Variants in ASTN2 observed in about 807,000 individuals in gnomAD.
ASTN2 encodes the protein astrotactin-2.
A neutral mutation model predicts 139.8 loss-of-function variants in ASTN2; 54 were observed. The ratio of observed to expected loss-of-function variants is 0.39; its 90% CI spans 0.31 to 0.48. The LOEUF is 0.48. Among genes scored for constraint, ASTN2 ranks in the 20% least tolerant of loss-of-function variants. ASTN2 has a pLI of 0.95. For missense variants in ASTN2, 1,565 were observed against 1,725.1 expected (o/e 0.91, Z 1.64); for synonymous variants, 756 against 719.5 (o/e 1.05, Z -0.81).
At chr9:116,489,140 G>T (rs990210455) in intron 19 of ASTN2, among the ~76,000 whole-genome samples, 1 of 151,950 alleles carries the variant, frequency 6.6e-6, no homozygotes, top group Non-Finnish European at 1.5e-5. Context: ...CTCTACCTGG[G>T]GTTAAGAACA....
intron 7 of ASTN2, among the ~76,000 whole-genome samples, chr9:116,989,357 AG>A (rs1836778272): frequency 6.6e-6 from 1 of 152,100 alleles, no homozygotes; most frequent in Non-Finnish European, 1.5e-5. Flanking sequence ...TTGAGAAAAA[AG>A]AAGAGAAGCT....
intron 4 of ASTN2, among the ~76,000 whole-genome samples, chr9:117,127,591 G>A (rs1047456355): frequency 1.5e-4 from 22 of 150,654 alleles, no homozygotes; most frequent in African/African-American, 4.9e-4. Context: ...TGCACAGCCA[G>A]CTAAATGGAA....
intron 10 of ASTN2, among the ~76,000 whole-genome samples, chr9:116,893,847 T>C (rs1191485069): frequency 6.6e-6 from 1 of 152,206 alleles, no homozygotes; most frequent in Non-Finnish European, 1.5e-5. Flanking sequence ...TAACTCCTGC[T>C]GATTTAGGGA....
At chr9:117,082,559 T>C (rs1236790133) in intron 5 of ASTN2, among the ~76,000 whole-genome samples, 1 of 152,170 alleles carries the variant, frequency 6.6e-6, no homozygotes, top group East Asian at 1.9e-4. Context: ...AGTAAATGCC[T>C]TCCTGGCCGA....
At chr9:116,493,436 C>T (rs1382437911) in intron 19 of ASTN2, among the ~76,000 whole-genome samples, 6 of 152,148 alleles carry the variant, frequency 3.9e-5, no homozygotes, top group Non-Finnish European at 7.4e-5. Flanking sequence ...GGCTGTAACC[C>T]GAGTGGGCTG....
intron 19 of ASTN2, among the ~76,000 whole-genome samples, chr9:116,537,707 C>T (rs1036143367): frequency 2.0e-5 from 3 of 152,296 alleles, no homozygotes; most frequent in South Asian, 2.1e-4. Flanking sequence ...GAGAACTCCA[C>T]TGACTATCAT....
chr9:116,760,150 T>C (rs1026621535), intron 13 of ASTN2, among the ~76,000 whole-genome samples: 6 of 152,196 alleles, frequency 3.9e-5, no homozygotes, highest in Non-Finnish European at 7.3e-5. Context: ...AGATCTTTCA[T>C]CCTCTCCAGG....
At chr9:116,504,895 C>CAAA (rs386416022) in intron 19 of ASTN2, among the ~76,000 whole-genome samples, 9,812 of 91,378 alleles carry the variant, frequency 0.11, 677 homozygotes, top group African/African-American at 0.15. Flanking sequence ...AATCCTGTCT[C>CAAA]AAAAAAAAAA....
intron 2 of ASTN2, among the ~76,000 whole-genome samples, chr9:117,278,841 G>A (rs1834258448): frequency 6.6e-6 from 1 of 152,174 alleles, no homozygotes; most frequent in Non-Finnish European, 1.5e-5. Context: ...AGCGTGAGTG[G>A]CTCCCTCAGC....
At chr9:117,248,980 T>A (rs1833462552) in intron 2 of ASTN2, among the ~76,000 whole-genome samples, 1 of 152,228 alleles carries the variant, frequency 6.6e-6, no homozygotes, top group African/African-American at 2.4e-5. Flanking sequence ...TACAATGGGA[T>A]GATTGAGCCA....
At chr9:117,203,944 A>T (rs1225758806) in intron 3 of ASTN2, among the ~76,000 whole-genome samples, 5 of 152,136 alleles carry the variant, frequency 3.3e-5, no homozygotes, top group Non-Finnish European at 5.9e-5. Flanking sequence ...ATTCATCAGA[A>T]CTACCAGAAG....
intron 3 of ASTN2, among the ~76,000 whole-genome samples, chr9:117,153,772 C>T (rs1370004583): frequency 2.0e-5 from 3 of 152,090 alleles, no homozygotes; most frequent in African/African-American, 7.2e-5. Flanking sequence ...TTGACAATCA[C>T]CTGAAACTAG....
intron 7 of ASTN2, among the ~76,000 whole-genome samples, chr9:117,004,035 TAA>T (rs5900251): frequency 2.6e-5 from 4 of 151,140 alleles, no homozygotes; most frequent in African/African-American, 9.8e-5. Context: ...ATATCTTGAT[TAA>T]AAAAAAGAAG....
chr9:116,514,578 G>A (rs1164565003), intron 19 of ASTN2, among the ~76,000 whole-genome samples: 1 of 152,276 alleles, frequency 6.6e-6, no homozygotes, highest in Non-Finnish European at 1.5e-5. Context: ...GCTGCCTTTT[G>A]TTAGGCTATG....
intron 4 of ASTN2, among the ~76,000 whole-genome samples, chr9:117,127,350 G>T (rs1003545987): frequency 6.6e-6 from 1 of 152,214 alleles, no homozygotes; most frequent in Non-Finnish European, 1.5e-5. Flanking sequence ...CAGGTAGCAA[G>T]GCTGATACAG....
intron 7 of ASTN2, among the ~76,000 whole-genome samples, chr9:116,995,947 C>G (rs966018198): frequency 5.9e-5 from 9 of 152,166 alleles, no homozygotes; most frequent in African/African-American, 2.2e-4. Context: ...CTCAAGCACT[C>G]TGCTCACCTC....
chr9:116,861,142 TTCTTTC>T (rs1391943341), intron 11 of ASTN2, among the ~76,000 whole-genome samples: 1 of 151,940 alleles, frequency 6.6e-6, no homozygotes, highest in Non-Finnish European at 1.5e-5. Flanking sequence ...GGAATGAATG[TTCTTTC>T]TCTTTCTCTC....
intron 12 of ASTN2, among the ~76,000 whole-genome samples, chr9:116,813,572 C>T (rs1320099874): frequency 6.6e-6 from 1 of 152,222 alleles, no homozygotes; most frequent in African/African-American, 2.4e-5. Flanking sequence ...TTGAGACTGA[C>T]AGACAAATGG....
intron 16 of ASTN2, among the ~76,000 whole-genome samples, chr9:116,720,452 A>T (rs1228444800): frequency 1.3e-5 from 2 of 152,104 alleles, no homozygotes; most frequent in South Asian, 2.1e-4. Context: ...ATTGCATAGC[A>T]TTCTTTCACT....
Sources: allele counts gnomAD v4.1 joint callset (sites outside exome capture counted in the v4.1 genomes callset), GRCh38; gene constraint gnomAD v4.1.1; transcripts MANE v1.5; gene names NCBI Gene and HGNC (gene_info 2026-07-23, HGNC 2026-07-21).